Variants in NALF1 observed in about 807,000 individuals in gnomAD.
The protein encoded by NALF1 is family with sequence similarity 155 member A.
NALF1 carries 3 observed loss-of-function variants against 48.4 expected under a neutral mutation model. The observed-to-expected ratio is 0.06, with a 90% CI of 0.03 to 0.16. The LOEUF is 0.16. Among genes scored for constraint, NALF1 ranks in the 10% least tolerant of loss-of-function variants. NALF1 has a pLI of 1.00. For missense variants in NALF1, 526 were observed against 571.5 expected, an observed-to-expected ratio of 0.92 and a Z score of 0.81; for synonymous variants, 262 against 245.7, an observed-to-expected ratio of 1.07 and a Z score of -0.62.
At chr13:107,275,792 G>T (rs1180767170) in intron 1 of NALF1, among the ~76,000 whole-genome samples, 1 of 152,154 alleles carries the variant, frequency 6.6e-6, no homozygotes, top group African/African-American at 2.4e-5. Flanking sequence ...AGGGTGTCCT[G>T]TATTTTTGTT....
rs547609680 is a variant in NALF1 at position 107,598,703 on chromosome 13, A to G, written c.915+266979T>C. On this transcript the variant is annotated intron_variant, in intron 1 of 2. Transcript: ENST00000375915. The stretch of plus-strand genomic sequence containing the variant: ...GGAACTGGTTCTTCTGCATAGGATC[A>G]TCTTTCTTCGTGTCATTTCATGGTT... 3.7e-4 allele frequency among the ~76,000 whole-genome samples: 57 copies of G among 152,258 alleles called. 1 individual carries two copies. The highest frequency in any genetic ancestry group is 1.3e-3 in the African/African-American group (54 of 41,564).
chr13:107,674,212 C>T (rs1881060279), intron 1 of NALF1, among the ~76,000 whole-genome samples: 1 of 151,840 alleles, frequency 6.6e-6, no homozygotes, highest in South Asian at 2.1e-4. Context: ...TGCTAGCCTA[C>T]TGTCCTGCAT....
At chr13:107,619,119 C>T (rs1879459405) in intron 1 of NALF1, among the ~76,000 whole-genome samples, 1 of 152,200 alleles carries the variant, frequency 6.6e-6, no homozygotes, top group Non-Finnish European at 1.5e-5. Flanking sequence ...GAACTTTTTA[C>T]TTTCATTTAT....
chr13:107,262,241 C>T (rs932014285), intron 1 of NALF1, among the ~76,000 whole-genome samples: 2 of 151,932 alleles, frequency 1.3e-5, no homozygotes, highest in Non-Finnish European at 2.9e-5. Context: ...ATAGTGAAAC[C>T]CCATCTTTAC....
At chr13:107,631,740 T>C (rs934536078) in intron 1 of NALF1, among the ~76,000 whole-genome samples, 1 of 152,126 alleles carries the variant, frequency 6.6e-6, no homozygotes. Context: ...AGCCTCTACA[T>C]ATGCTTGCTG....
rs758059010 is a variant in NALF1 at position 107,865,780 on chromosome 13, G to T, written c.817C>A (p.His273Asn). 4 of 1,614,080 alleles carry T rather than the reference G, an allele frequency of 2.5e-6. No homozygotes were observed. The highest frequency in any genetic ancestry group is 2.5e-6 in the Non-Finnish European group (3 of 1,180,026). The change falls in exon 1 of 3, where the codon CAC becomes AAC. Residue 273 changes from histidine (H) to asparagine (N), a missense_variant. His to Asn is a moderately conservative substitution (Grantham distance 68, BLOSUM62 1). Transcript: ENST00000375915. ...TCTTCGTATTTCTCCTGAGCATGGT[G>T]GTCATAGTCCTGGTAAGCCTCGACG... Reference protein sequence around the residue: ...QCVEAYQDYDHHAQEKYEEFE... With the variant: ...QCVEAYQDYDNHAQEKYEEFE...
chr13:107,295,081 T>C (rs931823541), intron 1 of NALF1, among the ~76,000 whole-genome samples: 3 of 152,130 alleles, frequency 2.0e-5, no homozygotes, highest in East Asian at 3.9e-4. Flanking sequence ...TGGGGTATGA[T>C]TGAACCCATC....
intron 1 of NALF1, among the ~76,000 whole-genome samples, chr13:107,429,322 G>GA (rs11374947): frequency 0.29 from 39,486 of 135,466 alleles, 5,405 homozygotes; most frequent in East Asian, 0.49. Context: ...AACTCAGTCT[G>GA]AAAAAAAAAA....
chr13:107,568,748 A>T (rs1043539464), intron 1 of NALF1, among the ~76,000 whole-genome samples: 26 of 152,176 alleles, frequency 1.7e-4, no homozygotes, highest in African/African-American at 6.3e-4. Flanking sequence ...TATCCTATTT[A>T]GTGAAATGTC....
chr13:107,714,373 A>G (rs1028455181), intron 1 of NALF1, among the ~76,000 whole-genome samples: 12 of 152,088 alleles, frequency 7.9e-5, no homozygotes, highest in Non-Finnish European at 2.9e-5. Context: ...TTCTCAAAAC[A>G]TTAGGAAACC....
intron 1 of NALF1, among the ~76,000 whole-genome samples, chr13:107,581,501 G>T (rs1443389237): frequency 6.6e-6 from 1 of 152,090 alleles, no homozygotes; most frequent in East Asian, 1.9e-4. Flanking sequence ...AAAATCAATG[G>T]TCTTGCTAAT....
chr13:107,369,548 G>A lies in NALF1; in HGVS notation c.916-158793C>T, dbSNP rs1050071839. ...TTAATAATAAGTTTAATAGATTAAT[G>A]AAATAATAAATTAAAGATTTAAAAC... On this transcript the variant is annotated intron_variant, in intron 1 of 2. Transcript: ENST00000375915. Among the ~76,000 whole-genome samples, 3 of 152,076 alleles carry A rather than the reference G, an allele frequency of 2.0e-5. 1 individual carries two copies. Among genetic ancestry groups the A allele is most frequent in the Middle Eastern group, 3.4e-3 (1 of 294 alleles).
At chr13:107,678,754 A>C (rs148134778) in intron 1 of NALF1, among the ~76,000 whole-genome samples, 1 of 152,334 alleles carries the variant, frequency 6.6e-6, no homozygotes, top group Non-Finnish European at 1.5e-5. Context: ...TGCTGAGTGA[A>C]TAGGGAAGAG....
At chr13:107,457,870 T>TA (rs1263850880) in intron 1 of NALF1, among the ~76,000 whole-genome samples, 1 of 152,216 alleles carries the variant, frequency 6.6e-6, no homozygotes, top group Non-Finnish European at 1.5e-5. Context: ...GAGCTGCTCT[T>TA]AAAAGACATT....
Position 107,822,943 on chromosome 13 carries a change from C to T in NALF1, c.915+42739G>A, listed in dbSNP as rs1430756934. Among the ~76,000 whole-genome samples the T allele has an allele frequency of 3.9e-5, 6 of 152,174 alleles. No individual in the cohort carries two copies. In the East Asian group the frequency reaches 9.6e-4, roughly 24 times the overall value. ...TTTCTGAGAAAGTCTGCTCTTCCTT[C>T]AGTTGGGTTTCAATAATGTGTTTGC... On this transcript the variant is annotated intron_variant, in intron 1 of 2. Transcript: ENST00000375915.
intron 1 of NALF1, among the ~76,000 whole-genome samples, chr13:107,253,020 T>A (rs1880734563): frequency 6.6e-6 from 1 of 152,222 alleles, no homozygotes; most frequent in Non-Finnish European, 1.5e-5. Context: ...TTTACATTTC[T>A]ATTATTTAAT....
intron 2 of NALF1, among the ~76,000 whole-genome samples, chr13:107,183,985 T>A (rs72664784): frequency 0.043 from 6,604 of 151,892 alleles, 171 homozygotes; most frequent in Non-Finnish European, 0.058. Flanking sequence ...TTTTTTTTTT[T>A]ATTTTCTTTT....
chr13:107,845,854 G>T lies in NALF1; in HGVS notation c.915+19828C>A, dbSNP rs374463897. 1.3e-3 allele frequency among the ~76,000 whole-genome samples: 202 copies of T among 152,138 alleles called. 2 individuals carry two copies. In the South Asian group the frequency reaches 0.038, roughly 29 times the overall value. The stretch of plus-strand genomic sequence containing the variant: ...TACCCAAAAGAATGCCACTACTAAA[G>T]AATTATTTGTAACTCTTTCCTGAGA... On this transcript the variant is annotated intron_variant, in intron 1 of 2. Coordinates refer to ENST00000375915, the MANE Select transcript of NALF1 (RefSeq NM_001080396.3).
intron 1 of NALF1, among the ~76,000 whole-genome samples, chr13:107,644,154 C>T (rs1209099156): frequency 6.6e-6 from 1 of 151,348 alleles, no homozygotes; most frequent in African/African-American, 2.4e-5. Context: ...TTCAGAAATA[C>T]TCATCTCAAG....
Sources: gnomAD v4.1 joint callset for allele counts (sites outside exome capture counted in the v4.1 genomes callset) on GRCh38, gnomAD v4.1.1 for gene constraint, MANE v1.5 for transcripts, NCBI Gene and HGNC (gene_info 2026-07-23, HGNC 2026-07-21) for gene names.